ZKSCAN7: variants seen among roughly 807,000 people sequenced by gnomAD.
ZKSCAN7 encodes the protein zinc finger protein with KRAB and SCAN domains 7.
In ZKSCAN7, 38 loss-of-function variants were observed where a neutral mutation model predicts 65.3. The observed-to-expected ratio is 0.58, with a 90% CI of 0.45 to 0.76. The LOEUF (loss-of-function observed/expected upper bound fraction) is 0.76, where lower values mean the gene tolerates loss of function less well. Ranked by LOEUF, ZKSCAN7 falls within the 30% of genes least tolerant of loss-of-function variation. The pLI, the probability that ZKSCAN7 is intolerant of heterozygous loss-of-function variation, is 0.00. For synonymous variants in ZKSCAN7, 321 were observed against 321.0 expected (o/e 1.00, Z 0.00); for missense variants, 815 against 913.3 (o/e 0.89, Z 1.39).
chr3:44,572,410 G>C, downstream of ZKSCAN7, among the ~76,000 whole-genome samples: 1 of 147,392 alleles, frequency 6.8e-6, no homozygotes, highest in Non-Finnish European at 1.5e-5. Flanking sequence ...AAGAGAGAGA[G>C]TGTGTGTGTG....
Position 44,570,498 on chromosome 3 carries a change from G to A in ZKSCAN7, c.1388G>A (p.Gly463Glu), listed in dbSNP as rs372238644. 80 of 1,614,024 alleles carry A rather than the reference G, an allele frequency of 5.0e-5. No individual in the cohort carries two copies. In the Admixed American group the frequency reaches 6.5e-4, roughly 13 times the overall value. ...HLIQHQRLHN[G>E]EKPYKCNECA... ...ATTCAACACCAGAGACTCCATAATG[G>A]GGAGAAACCCTATAAATGTAATGAA... Residue 463 changes from glycine (G) to glutamate (E), a missense_variant, in exon 6 of 6, where the codon GGG becomes GAG. Transcript: ENST00000426540.
At chr3:44,579,808 G>A in intron 5 of ZKSCAN7, 1 of 1,613,148 alleles carries the variant, frequency 6.2e-7, no homozygotes, top group South Asian at 1.1e-5. Context: ...GATCGGCGAG[G>A]ACAAACCAGT....
chr3:44,555,959 C>G (rs986301355), intron 1 of ZKSCAN7, among the ~76,000 whole-genome samples: 10 of 152,224 alleles, frequency 6.6e-5, no homozygotes, highest in Non-Finnish European at 1.2e-4. Flanking sequence ...TGGAAGTCAG[C>G]TCTGCCCTTT....
chr3:44,564,968 T>C (rs1699589885), intron 2 of ZKSCAN7, among the ~76,000 whole-genome samples: 1 of 152,182 alleles, frequency 6.6e-6, no homozygotes, highest in East Asian at 1.9e-4. Context: ...GCCTGGCTAA[T>C]TTTTTTGTAC....
chr3:44,572,384 G>A (rs975500079), downstream of ZKSCAN7, among the ~76,000 whole-genome samples: 2 of 139,052 alleles, frequency 1.4e-5, no homozygotes, highest in African/African-American at 2.7e-5. Context: ...GTGTGTGTGT[G>A]TGTGTATGTA....
intron 2 of ZKSCAN7, among the ~76,000 whole-genome samples, chr3:44,559,997 C>G (rs1470193376): frequency 1.3e-5 from 2 of 152,164 alleles, no homozygotes; most frequent in East Asian, 1.9e-4. Context: ...GAAAATGTCC[C>G]TATTTCCTGC....
rs772401512 is a variant in ZKSCAN7 at position 44,571,353 on chromosome 3, G to T, written c.2243G>T (p.Gly748Val). Residue 748 changes from glycine to valine, a missense_variant, in exon 6 of 6, where the codon GGT becomes GTT. This residue lies in a region of ZKSCAN7 where 578 missense variants were observed against 629.5 expected (regional missense o/e 0.92). Transcript: ENST00000426540. Reference protein sequence around the residue: ...QRTHTGEKSSGLAWSVS With the variant: ...QRTHTGEKSSVLAWSVS ...ACTCACACTGGAGAGAAGTCCTCAG[G>T]TCTGGCTTGGTCAGTTTCTTAAGGT... The T allele has an allele frequency of 1.4e-5, 22 of 1,614,004 alleles. No individual in the cohort carries two copies. Among genetic ancestry groups the T allele is most frequent in the East Asian group, 1.1e-4 (5 of 44,884 alleles).
At chr3:44,576,434 T>G (rs1056516206), downstream of ZKSCAN7, among the ~76,000 whole-genome samples, 6 of 152,106 alleles carry the variant, frequency 3.9e-5, no homozygotes, top group Non-Finnish European at 8.8e-5. Flanking sequence ...CATTTTGGTT[T>G]CCCTTCAGTT....
chr3:44,568,635 G>A (rs941328948), intron 5 of ZKSCAN7, among the ~76,000 whole-genome samples: 2 of 152,206 alleles, frequency 1.3e-5, no homozygotes, highest in African/African-American at 2.4e-5. Flanking sequence ...AATTGATATA[G>A]TGTGGTTTAG....
At position 44,562,395 on chromosome 3, in the gene ZKSCAN7, G is replaced by C. The variant is rs191833390; in HGVS notation, c.424-3092G>C. Among the ~76,000 whole-genome samples the C allele has an allele frequency of 9.6e-3, 1,457 of 152,328 alleles. 12 individuals are homozygous for C. The highest frequency in any genetic ancestry group is 0.013 in the Non-Finnish European group (884 of 68,026). ...TAGGCCTCCAGGCCTGTGATGAGAGGGGGCTGCTGTGAATGTCTCTAAAAT... is the reference window on the plus strand; with the variant it reads ...TAGGCCTCCAGGCCTGTGATGAGAGCGGGCTGCTGTGAATGTCTCTAAAAT... On this transcript the variant is annotated intron_variant, in intron 2 of 5. Transcript: ENST00000426540.
downstream of ZKSCAN7, among the ~76,000 whole-genome samples, chr3:44,576,430 G>A (rs893601408): frequency 6.6e-6 from 1 of 152,002 alleles, no homozygotes; most frequent in Non-Finnish European, 1.5e-5. Flanking sequence ...TTTGCATTTT[G>A]GTTTCCCTTC....
chr3:44,566,558 A>G (rs1346565796), intron 3 of ZKSCAN7, among the ~76,000 whole-genome samples: 1 of 152,190 alleles, frequency 6.6e-6, no homozygotes, highest in Non-Finnish European at 1.5e-5. Context: ...GTTTTGGCCA[A>G]TGATGGAATC....
intron 5 of ZKSCAN7, among the ~76,000 whole-genome samples, chr3:44,577,895 G>A (rs1020755478): frequency 3.9e-5 from 6 of 152,146 alleles, no homozygotes; most frequent in African/African-American, 1.2e-4. Context: ...GGGAAGGTGC[G>A]TGCTCAACTT....
At chr3:44,575,770 G>A (rs1484240564), downstream of ZKSCAN7, among the ~76,000 whole-genome samples, 2 of 152,098 alleles carry the variant, frequency 1.3e-5, no homozygotes, top group African/African-American at 4.8e-5. Flanking sequence ...TAGAGACAGG[G>A]TTTCTCCATG....
chr3:44,580,062 G>A, intron 5 of ZKSCAN7: 5 of 1,592,994 alleles, frequency 3.1e-6, no homozygotes, highest in Non-Finnish European at 4.3e-6. Flanking sequence ...GGATGGCGAG[G>A]GCCCCACTGC....
rs533880424 is a variant in ZKSCAN7, at chr3:44,565,736, C to T, written c.592+81C>T. The T allele has an allele frequency of 7.6e-5, 103 of 1,358,102 alleles. No individual in the cohort carries two copies. The African/African-American group carries it at 1.1e-3, about 14-fold the overall frequency. The allele number at this position is 1,358,102 out of a possible 1,614,324, so 84.1% of individuals were successfully genotyped here. Reference sequence around the variant, plus strand: ...TCTCCTTTCCTTTATCTGCCCATCTCCTACTCCATGGAATCCCTCATTGCT... The same window carrying T: ...TCTCCTTTCCTTTATCTGCCCATCTTCTACTCCATGGAATCCCTCATTGCT... On this transcript the variant is annotated intron_variant, in intron 3 of 5. Transcript: ENST00000426540.
intron 2 of ZKSCAN7, among the ~76,000 whole-genome samples, chr3:44,561,783 T>C (rs551628715): frequency 1.3e-4 from 20 of 152,344 alleles, no homozygotes; most frequent in African/African-American, 4.8e-4. Context: ...ACTCCATGTC[T>C]CACATCCAGG....
At position 44,570,593 on chromosome 3, in the gene ZKSCAN7, T is replaced by C. The variant is rs779085130; in HGVS notation, c.1483T>C (p.Tyr495His). ...GAGAACCCATACTGGGGAGAAACCT[T>C]ATGAATGCAATGAGTGTGGAGAGGC... ...HQRTHTGEKP[Y>H]ECNECGEAFI... The change falls in exon 6 of 6, where the codon TAT becomes CAT. Residue 495 changes from tyrosine (Y) to histidine (H), a missense_variant. Around this residue, in one of 3 missense-constraint regions of ZKSCAN7, gnomAD observed 578 missense variants for 629.5 expected, o/e 0.92. Transcript: ENST00000426540. The C allele has an allele frequency of 1.2e-6, 2 of 1,614,060 alleles. No homozygotes were observed. Among genetic ancestry groups the C allele is most frequent in the Non-Finnish European group, 1.7e-6 (2 of 1,180,038 alleles).
rs556366578 is a variant in ZKSCAN7 at position 44,579,624 on chromosome 3, G to A, written c.812-3348G>A. ...ATGATGGTCTGGATCCAGTTCCGCC[G>A]AATCCCAGATGTCATGGCCGACGGG... is the stretch of plus-strand genomic sequence containing the variant. On this transcript the variant is annotated intron_variant, in intron 5 of 5. Transcript: ENST00000341840. Among the ~76,000 whole-genome samples, 26 of 152,274 alleles carry A rather than the reference G, an allele frequency of 1.7e-4. No homozygotes were observed. The South Asian group carries it at 4.8e-3, about 28-fold the overall frequency.
Sources: allele counts gnomAD v4.1 joint callset (sites outside exome capture counted in the v4.1 genomes callset), GRCh38; gene constraint gnomAD v4.1.1; regional missense constraint gnomAD v4.1.1; transcripts MANE v1.5; gene names NCBI Gene and HGNC (gene_info 2026-07-23, HGNC 2026-07-21).